Variants in DIP2C observed in about 807,000 individuals in gnomAD.
DIP2C encodes DIP2 acetate--CoA ligase C (putative).
In DIP2C, 33 loss-of-function variants were observed where a neutral mutation model predicts 192.4. The ratio of observed to expected loss-of-function variants is 0.17; its 90% CI spans 0.13 to 0.23. DIP2C has a LOEUF of 0.23. DIP2C is among the 10% of genes least tolerant of loss of function. DIP2C has a pLI of 1.00. For missense variants in DIP2C, 1,537 were observed against 2,110.1 expected, an observed-to-expected ratio of 0.73 and a Z score of 5.32; for synonymous variants, 979 against 864.1, an observed-to-expected ratio of 1.13 and a Z score of -2.33.
Position 371,779 on chromosome 10 carries a change from C to T in DIP2C, c.1992-2146G>A, listed in dbSNP as rs562599184. Among the ~76,000 whole-genome samples the T allele has an allele frequency of 2.3e-4, 35 of 152,256 alleles. 1 individual carries two copies. The South Asian group carries it at 5.4e-3, about 23-fold the overall frequency. On this transcript the variant is annotated intron_variant, in intron 17 of 36. Transcript: ENST00000280886. ...GGTGGGCCCCCTCAGCACGTCCAGA[C>T]GCCCAGCCCTGTGACACCTTGGGGT...
intron 1 of DIP2C, among the ~76,000 whole-genome samples, chr10:644,431 G>A (rs1325454158): frequency 6.6e-6 from 1 of 152,294 alleles, no homozygotes; most frequent in Non-Finnish European, 1.5e-5. Context: ...TTTTAGAGAA[G>A]GAAACGATCC....
chr10:376,526 T>C (rs1361458800), intron 17 of DIP2C, among the ~76,000 whole-genome samples: 4 of 150,718 alleles, frequency 2.7e-5, no homozygotes, highest in Admixed American at 6.6e-5. Context: ...TCTTCCCTTC[T>C]GAACTGGCAG....
chr10:598,051 CA>C (rs1851819504), intron 1 of DIP2C, among the ~76,000 whole-genome samples: 1 of 152,224 alleles, frequency 6.6e-6, no homozygotes, highest in Non-Finnish European at 1.5e-5. Flanking sequence ...CTCCTCTAAC[CA>C]CCGCTGGACC....
intron 5 of DIP2C, among the ~76,000 whole-genome samples, chr10:420,502 C>T (rs1360707900): frequency 6.6e-6 from 1 of 152,220 alleles, no homozygotes; most frequent in Non-Finnish European, 1.5e-5. Context: ...GCAGAACCAA[C>T]ACACACCCCC....
intron 9 of DIP2C, among the ~76,000 whole-genome samples, chr10:400,948 GGCAGCATTAGCATT>G (rs1964381609): frequency 2.7e-5 from 4 of 148,234 alleles, no homozygotes; most frequent in Non-Finnish European, 4.4e-5. Context: ...TTACACGTGT[GGCAGCATTAGCATT>G]ACTCTTCCTT....
At chr10:499,170 GCTGA>G (rs1190568201) in intron 1 of DIP2C, among the ~76,000 whole-genome samples, 12 of 152,332 alleles carry the variant, frequency 7.9e-5, no homozygotes, top group East Asian at 3.9e-4. Context: ...CACACGCGAT[GCTGA>G]CTGACTCCTT....
At chr10:550,411 C>T (rs769389963) in intron 1 of DIP2C, among the ~76,000 whole-genome samples, 3 of 152,186 alleles carry the variant, frequency 2.0e-5, no homozygotes, top group African/African-American at 4.8e-5. Context: ...CCACTGACCA[C>T]AGAGGCTGGT....
intron 1 of DIP2C, among the ~76,000 whole-genome samples, chr10:595,788 T>A (rs1164970353): frequency 6.6e-6 from 1 of 152,078 alleles, no homozygotes; most frequent in Non-Finnish European, 1.5e-5. Context: ...GAAAAAAAAT[T>A]AACGTAAATG....
At position 444,536 on chromosome 10, in the gene DIP2C, C is replaced by T. The variant is rs182367115; in HGVS notation, c.269-3540G>A. 3.3e-5 allele frequency among the ~76,000 whole-genome samples: 5 copies of T among 151,858 alleles called. No homozygotes were observed. In the South Asian group the frequency reaches 6.3e-4, roughly 19 times the overall value. The stretch of plus-strand genomic sequence containing the variant: ...AGTGTTTCTTGGTGCTCTTCCGTCA[C>T]CCGAGACTTGTGTAGATTCTCCACC... On this transcript the variant is annotated intron_variant, in intron 3 of 36. Coordinates refer to ENST00000280886, the MANE Select transcript of DIP2C (RefSeq NM_014974.3).
At chr10:452,485 C>G (rs1263198385) in intron 3 of DIP2C, among the ~76,000 whole-genome samples, 1 of 152,156 alleles carries the variant, frequency 6.6e-6, no homozygotes, top group Non-Finnish European at 1.5e-5. Context: ...GAATCTACCT[C>G]CATGTGCTAA....
chr10:413,230 C>T (rs1007635863), intron 8 of DIP2C, among the ~76,000 whole-genome samples: 3 of 152,186 alleles, frequency 2.0e-5, no homozygotes, highest in Admixed American at 6.5e-5. Flanking sequence ...AAAAGAGAAA[C>T]GCACTTCTCT....
intron 1 of DIP2C, among the ~76,000 whole-genome samples, chr10:488,588 C>T (rs749816209): frequency 6.6e-6 from 1 of 152,188 alleles, no homozygotes; most frequent in Non-Finnish European, 1.5e-5. Context: ...GGGCTTTCCT[C>T]GCATGTTCAC....
intron 1 of DIP2C, among the ~76,000 whole-genome samples, chr10:547,924 C>G (rs1848372038): frequency 6.6e-6 from 1 of 152,168 alleles, no homozygotes; most frequent in Admixed American, 6.5e-5. Context: ...TTGGGTCACC[C>G]TTATCTCTCA....
intron 1 of DIP2C, among the ~76,000 whole-genome samples, chr10:685,438 A>G (rs1046486109): frequency 2.0e-5 from 3 of 152,034 alleles, no homozygotes; most frequent in Admixed American, 2.0e-4. Flanking sequence ...CACAGAGTAC[A>G]AAGCATGGCA....
In DIP2C at chr10:652,547, A is replaced by C. The variant is rs974781286; in HGVS notation, c.85+36947T>G. On this transcript the variant is annotated intron_variant, in intron 1 of 36. Coordinates refer to ENST00000280886, the MANE Select transcript of DIP2C (RefSeq NM_014974.3). This position sits in a 1 kb window ranked among gnomAD's most constrained non-coding sequence, Gnocchi z 4.5. ...ATCCGTGACCGAGAAACGGAGCTGC[A>C]GTGGGAGGCGGGACATGCTGGGATC... 6.5e-6 allele frequency: 1 copy of C among 154,434 alleles called. No homozygotes were observed. Among genetic ancestry groups the C allele is most frequent in the Non-Finnish European group, 1.4e-5 (1 of 69,288 alleles). 9.6% of individuals were successfully genotyped at this position (154,434 alleles called of 1,614,324 possible). A position where few individuals can be genotyped will look rare whatever the true frequency, so the allele number is the denominator to read the frequency against.
chr10:470,478 C>T (rs1206055887), intron 3 of DIP2C, among the ~76,000 whole-genome samples: 2 of 152,144 alleles, frequency 1.3e-5, no homozygotes, highest in African/African-American at 4.8e-5. Flanking sequence ...AGGTAAGGTG[C>T]ACGGATGAAC....
At chr10:659,909 G>A (rs1464410161) in intron 1 of DIP2C, among the ~76,000 whole-genome samples, 1 of 152,158 alleles carries the variant, frequency 6.6e-6, no homozygotes, top group Non-Finnish European at 1.5e-5. Flanking sequence ...CATCATCTCG[G>A]AAACTAAATC....
chr10:512,615 A>T (rs1588352196), intron 1 of DIP2C, among the ~76,000 whole-genome samples: 1 of 151,984 alleles, frequency 6.6e-6, no homozygotes, highest in African/African-American at 2.4e-5. Context: ...AACTGTATAC[A>T]TCATTATAGA....
intron 17 of DIP2C, among the ~76,000 whole-genome samples, chr10:372,617 G>C (rs977307242): frequency 4.6e-5 from 7 of 152,078 alleles, no homozygotes; most frequent in African/African-American, 1.7e-4. Context: ...GAAAACGCAC[G>C]GCCCCGGGAT....
Sources: allele counts gnomAD v4.1 joint callset (sites outside exome capture counted in the v4.1 genomes callset), GRCh38; gene constraint gnomAD v4.1.1; non-coding constraint Gnocchi (gnomAD v3.1); transcripts MANE v1.5; gene names NCBI Gene and HGNC (gene_info 2026-07-23, HGNC 2026-07-21).